The following SUPT3H variants were observed in gnomAD, a reference collection of about 807,000 sequenced individuals.
SUPT3H encodes transcription initiation protein SPT3 homolog.
A neutral mutation model predicts 44.3 loss-of-function variants in SUPT3H; 44 were observed. The observed-to-expected ratio is 0.99, with a 90% confidence interval of 0.78 to 1.28. The LOEUF (loss-of-function observed/expected upper bound fraction) is 1.28. SUPT3H is among the 50% of genes most tolerant of loss of function. The pLI is 0.00. For synonymous variants in SUPT3H, 124 were observed against 125.6 expected, an observed-to-expected ratio of 0.99 and a Z score of 0.09; for missense variants, 380 against 387.1, an observed-to-expected ratio of 0.98 and a Z score of 0.15.
At chr6:45,227,413 TTTAAC>T (rs916251432) in intron 2 of SUPT3H, among the ~76,000 whole-genome samples, 10 of 152,310 alleles carry the variant, frequency 6.6e-5, no homozygotes, top group Admixed American at 3.9e-4. Flanking sequence ...GTTTAACTTA[TTTAAC>T]TTAACTGTAG....
intron 10 of SUPT3H, among the ~76,000 whole-genome samples, chr6:44,848,368 G>A (rs1772271556): frequency 1.3e-5 from 2 of 152,138 alleles, no homozygotes; most frequent in Non-Finnish European, 2.9e-5. Flanking sequence ...GCCACTTGGG[G>A]AACTTTTAAA....
At chr6:44,872,352 T>A (rs898115535) in intron 10 of SUPT3H, among the ~76,000 whole-genome samples, 2 of 89,530 alleles carry the variant, frequency 2.2e-5, no homozygotes, top group Admixed American at 2.6e-4. Flanking sequence ...TTCAACATTC[T>A]TAAAGAAAAG....
intron 2 of SUPT3H, among the ~76,000 whole-genome samples, chr6:45,204,058 C>T (rs1328445912): frequency 6.6e-6 from 1 of 151,968 alleles, no homozygotes; most frequent in Non-Finnish European, 1.5e-5. Context: ...GACCAGCTGG[C>T]CAACATTGTG....
intron 3 of SUPT3H, among the ~76,000 whole-genome samples, chr6:45,052,118 T>A (rs1221590196): frequency 2.0e-5 from 3 of 152,188 alleles, no homozygotes. Flanking sequence ...GGCAGTATTG[T>A]CTGATAGAAT....
intron 10 of SUPT3H, among the ~76,000 whole-genome samples, chr6:44,892,789 C>T (rs1240518978): frequency 6.6e-6 from 1 of 152,144 alleles, no homozygotes; most frequent in Non-Finnish European, 1.5e-5. Flanking sequence ...GAAGCCCAGG[C>T]CTCTTGACTT....
chr6:44,892,933 A>G lies in SUPT3H; in HGVS notation c.912+39720T>C, dbSNP rs73735236. Reference sequence around the variant, plus strand: ...TTCAGCTGAATTTTTCTGATTTTGTACTTTACTCTTTTTTTTTAAACCCAC... The same window carrying G: ...TTCAGCTGAATTTTTCTGATTTTGTGCTTTACTCTTTTTTTTTAAACCCAC... On this transcript the variant is annotated intron_variant, in intron 10 of 10. Transcript: ENST00000371459. Among the ~76,000 whole-genome samples, 598 of 152,278 alleles carry G rather than the reference A, an allele frequency of 3.9e-3. 7 individuals are homozygous for G. The highest frequency in any genetic ancestry group is 0.014 in the African/African-American group (569 of 41,572).
chr6:44,911,260 T>C (rs1766996639), intron 10 of SUPT3H, among the ~76,000 whole-genome samples: 1 of 127,484 alleles, frequency 7.8e-6, no homozygotes, highest in East Asian at 3.4e-4. Flanking sequence ...CTTAAATTTT[T>C]TAGTCAGCAT....
intron 5 of SUPT3H, among the ~76,000 whole-genome samples, chr6:45,008,030 C>G (rs113611065): frequency 6.6e-6 from 1 of 152,078 alleles, no homozygotes; most frequent in Non-Finnish European, 1.5e-5. Flanking sequence ...CTTTTTATAG[C>G]CAAATAATAT....
intron 2 of SUPT3H, among the ~76,000 whole-genome samples, chr6:45,210,085 T>TA (rs1340410510): frequency 6.6e-6 from 1 of 152,108 alleles, no homozygotes; most frequent in Non-Finnish European, 1.5e-5. Flanking sequence ...GTAATTAAGG[T>TA]ATGTATACTG....
At chr6:44,898,443 A>G (rs1719190084) in intron 10 of SUPT3H, among the ~76,000 whole-genome samples, 1 of 152,166 alleles carries the variant, frequency 6.6e-6, no homozygotes, top group African/African-American at 2.4e-5. Flanking sequence ...AACTCCTAGC[A>G]TTACTCTATC....
At chr6:45,112,866 T>G (rs1800275152) in intron 2 of SUPT3H, among the ~76,000 whole-genome samples, 2 of 152,168 alleles carry the variant, frequency 1.3e-5, no homozygotes, top group African/African-American at 4.8e-5. Flanking sequence ...GATGCTGAGT[T>G]GCTTTCAATA....
intron 7 of SUPT3H, among the ~76,000 whole-genome samples, chr6:44,956,503 TAA>T (rs869078662): frequency 1.5e-4 from 1 of 6,484 alleles, no homozygotes; most frequent in Admixed American, 1.8e-3. Flanking sequence ...AAAATAAAAA[TAA>T]AAAAAAAAAA....
intron 2 of SUPT3H, among the ~76,000 whole-genome samples, chr6:45,189,270 G>T (rs569120143): frequency 6.6e-6 from 1 of 152,154 alleles, no homozygotes; most frequent in Non-Finnish European, 1.5e-5. Flanking sequence ...ATCACTTAGT[G>T]TTATTTTTCT....
chr6:45,054,379 C>A (rs1253196006), intron 3 of SUPT3H, among the ~76,000 whole-genome samples: 1 of 152,152 alleles, frequency 6.6e-6, no homozygotes, highest in Admixed American at 6.5e-5. Flanking sequence ...TTGCTGAAAT[C>A]TCTCCAGTTT....
chr6:45,069,300 G>A (rs962327290), intron 3 of SUPT3H, among the ~76,000 whole-genome samples: 1 of 152,160 alleles, frequency 6.6e-6, no homozygotes, highest in Non-Finnish European at 1.5e-5. Context: ...ACTCTGAGCA[G>A]GGAAGAGCGA....
chr6:45,191,634 C>T (rs1815154914), intron 2 of SUPT3H, among the ~76,000 whole-genome samples: 1 of 151,852 alleles, frequency 6.6e-6, no homozygotes, highest in Non-Finnish European at 1.5e-5. Context: ...CAGGTAGGAA[C>T]TCTGTACTTT....
chr6:45,306,522 CT>C (rs1783045284), intron 2 of SUPT3H, among the ~76,000 whole-genome samples: 1 of 152,156 alleles, frequency 6.6e-6, no homozygotes, highest in Admixed American at 6.5e-5. Flanking sequence ...AGGTGAAGGT[CT>C]TTCCATAGCA....
At chr6:44,964,657 T>A (rs1180836177) in intron 6 of SUPT3H, among the ~76,000 whole-genome samples, 1 of 152,184 alleles carries the variant, frequency 6.6e-6, no homozygotes, top group African/African-American at 2.4e-5. Context: ...TCATTAAGCA[T>A]CCTAGTTCTT....
intron 10 of SUPT3H, among the ~76,000 whole-genome samples, chr6:44,903,568 CCAGATGGATTCA>C (rs1262863688): frequency 6.6e-6 from 1 of 152,124 alleles, no homozygotes; most frequent in Non-Finnish European, 1.5e-5. Context: ...AAGTCCAGGA[CCAGATGGATTCA>C]CAGCCGAATT....
Sources: allele counts gnomAD v4.1 joint callset (sites outside exome capture counted in the v4.1 genomes callset), GRCh38; gene constraint gnomAD v4.1.1; transcripts MANE v1.5; gene names NCBI Gene and HGNC (gene_info 2026-07-23, HGNC 2026-07-21).